The following EPB41L4B variants were observed in gnomAD, a reference collection of about 807,000 sequenced individuals.
The protein encoded by EPB41L4B is erythrocyte membrane protein band 4.1 like 4B.
Under a neutral mutation model 112.5 loss-of-function variants are expected in EPB41L4B, and 30 were observed. The observed-to-expected ratio is 0.27, with a 90% CI of 0.20 to 0.36. The LOEUF (loss-of-function observed/expected upper bound fraction) is 0.36. Among genes scored for constraint, EPB41L4B ranks in the 10% least tolerant of loss-of-function variants. The pLI is 1.00. For missense variants in EPB41L4B, 1,024 were observed against 1,133.3 expected (o/e 0.90, Z 1.38); for synonymous variants, 408 against 439.7 (o/e 0.93, Z 0.90).
chr9:109,227,583 T>TC (rs949506227), intron 15 of EPB41L4B, among the ~76,000 whole-genome samples: 12 of 151,692 alleles, frequency 7.9e-5, no homozygotes, highest in Admixed American at 3.3e-4. Context: ...TTATTACATA[T>TC]CCCCCCCTTT....
chr9:109,311,675 G>T (rs2119267802), intron 1 of EPB41L4B, among the ~76,000 whole-genome samples: 1 of 152,338 alleles, frequency 6.6e-6, no homozygotes, highest in South Asian at 2.1e-4. Flanking sequence ...GTTCAGAAAA[G>T]ACAGGGGATT....
intron 1 of EPB41L4B, among the ~76,000 whole-genome samples, chr9:109,303,355 G>A (rs1461333016): frequency 5.9e-5 from 9 of 151,926 alleles, no homozygotes; most frequent in Non-Finnish European, 1.2e-4. Flanking sequence ...CTTTTGGGGG[G>A]CGGGTTTTGA....
intron 15 of EPB41L4B, 46 bp downstream of exon 15, chr9:109,243,572 A>AT (rs1030348173): frequency 1.9e-6 from 3 of 1,589,064 alleles, no homozygotes; most frequent in Admixed American, 1.7e-5. Flanking sequence ...TTTTCTAGAG[A>AT]AAGGAAAGCT....
intron 1 of EPB41L4B, among the ~76,000 whole-genome samples, chr9:109,288,634 A>G (rs1836395669): frequency 6.9e-6 from 1 of 145,052 alleles, no homozygotes; most frequent in Non-Finnish European, 1.5e-5. Context: ...GAGGCAGGAG[A>G]ATGGAGTGAA....
chr9:109,297,960 T>C (rs1836801439), intron 1 of EPB41L4B, among the ~76,000 whole-genome samples: 1 of 152,198 alleles, frequency 6.6e-6, no homozygotes, highest in Middle Eastern at 3.2e-3. Context: ...AAACTATAAC[T>C]AAGGCATCAC....
At chr9:109,195,300 G>A (rs1832602630) in intron 20 of EPB41L4B, among the ~76,000 whole-genome samples, 1 of 152,172 alleles carries the variant, frequency 6.6e-6, no homozygotes, top group Admixed American at 6.5e-5. Context: ...GCAGATCACT[G>A]GTAAGGCCTC....
intron 11 of EPB41L4B, 70 bp downstream of exon 11, chr9:109,255,441 C>T: frequency 6.4e-7 from 1 of 1,571,176 alleles, no homozygotes; most frequent in Admixed American, 1.7e-5. Context: ...ACTCTATTCG[C>T]ATACAAGAAA....
rs756980865 is a variant in EPB41L4B, at chr9:109,182,765, C to T, written c.2451G>A (p.Pro817=). ...IKTFPVDTMN[P]FPDTFTTGPQ... ...GCCCTGTGGTGAAAGTATCAGGAAA[C>T]GGGTTCATTGTATCAACCGGGAATG... Residue 817 remains proline (P), a synonymous_variant, in exon 24 of 26, where the codon CCG becomes CCA. Transcript: ENST00000374566. The T allele has an allele frequency of 4.3e-6, 7 of 1,612,840 alleles. No individual in the cohort carries two copies. Among genetic ancestry groups the T allele is most frequent in the Middle Eastern group, 1.7e-4 (1 of 6,058 alleles).
At chr9:109,227,080 C>A (rs146502099) in intron 15 of EPB41L4B, among the ~76,000 whole-genome samples, 2 of 152,014 alleles carry the variant, frequency 1.3e-5, no homozygotes, top group East Asian at 3.9e-4. Flanking sequence ...CTTAAGCGGT[C>A]CTCCCACTTC....
Position 109,175,176 on chromosome 9 carries a change from C to CA in EPB41L4B, c.2634-554dup, listed in dbSNP as rs543498962. ...AGGCAATCCACTTGCCTCGACCTCC[C>CA]AAAGTGCTAGGATTACAGGCATGAG... On this transcript the variant is annotated intron_variant, in intron 25 of 25. Transcript: ENST00000374566. 5.4e-3 allele frequency among the ~76,000 whole-genome samples: 823 copies of CA among 152,090 alleles called. 4 individuals are homozygous for CA. Among genetic ancestry groups the CA allele is most frequent in the Non-Finnish European group, 8.7e-3 (595 of 68,008 alleles).
chr9:109,293,285 T>A (rs28701550), intron 1 of EPB41L4B, among the ~76,000 whole-genome samples: 12 of 152,230 alleles, frequency 7.9e-5, no homozygotes, highest in African/African-American at 2.9e-4. Context: ...TTTCATAATT[T>A]AAAAAATGTT....
intron 1 of EPB41L4B, among the ~76,000 whole-genome samples, chr9:109,318,503 G>A (rs1275085168): frequency 6.6e-6 from 1 of 152,140 alleles, no homozygotes; most frequent in African/African-American, 2.4e-5. Context: ...CCAGGGAACA[G>A]ATGAGAAAAC....
intron 24 of EPB41L4B, among the ~76,000 whole-genome samples, chr9:109,179,459 T>C (rs1831972609): frequency 6.6e-6 from 1 of 152,314 alleles, no homozygotes; most frequent in Non-Finnish European, 1.5e-5. Context: ...CTGAAGCCCA[T>C]GAGCTTGGCT....
rs190636972 is a variant in EPB41L4B at position 109,256,220 on chromosome 9, C to G, written c.845G>C (p.Arg282Thr). ...YGVDMHVVRG[R>T]DGCEYSLGLT... ...TCCAAGAGAATATTCACAGCCATCT[C>G]TTCCCTACAAACAAACGAAGTGACA... The change falls in exon 9 of 26, where the codon AGA becomes ACA. Residue 282 changes from arginine to threonine, a missense_variant. By Grantham distance (71) the Arg-to-Thr change is moderately conservative (BLOSUM62 -1). Transcript: ENST00000374566. 1 of 1,614,092 alleles carries G rather than the reference C, an allele frequency of 6.2e-7. No homozygotes were observed. Among genetic ancestry groups the G allele is most frequent in the East Asian group, 2.2e-5 (1 of 44,888 alleles).
At chr9:109,229,460 C>T (rs1440202701) in intron 15 of EPB41L4B, among the ~76,000 whole-genome samples, 5 of 152,202 alleles carry the variant, frequency 3.3e-5, no homozygotes, top group Admixed American at 3.3e-4. Flanking sequence ...TTGCTCAGTG[C>T]ACACGTATCA....
At chr9:109,194,709 G>T (rs910115194) in intron 20 of EPB41L4B, among the ~76,000 whole-genome samples, 1 of 152,066 alleles carries the variant, frequency 6.6e-6, no homozygotes, top group African/African-American at 2.4e-5. Context: ...TCACAATATT[G>T]TGCAACCATT....
At chr9:109,272,370 G>A (rs1835656598) in intron 2 of EPB41L4B, among the ~76,000 whole-genome samples, 1 of 152,142 alleles carries the variant, frequency 6.6e-6, no homozygotes, top group African/African-American at 2.4e-5. Flanking sequence ...GCTGAGGTGG[G>A]AGAATCACTT....
chr9:109,248,089 T>C (rs948778979), intron 13 of EPB41L4B, among the ~76,000 whole-genome samples: 11 of 152,236 alleles, frequency 7.2e-5, no homozygotes, highest in African/African-American at 2.2e-4. Flanking sequence ...CCTGTTTCAG[T>C]TGGGCAAACC....
rs553877769 is a variant in EPB41L4B at position 109,308,977 on chromosome 9, G to A, written c.306+11164C>T. On this transcript the variant is annotated intron_variant, in intron 1 of 25. Coordinates refer to ENST00000374566, the MANE Select transcript of EPB41L4B (RefSeq NM_019114.5). ...TGTAATCCCAGCTATTCAGGAAGCT[G>A]AGGCAGGAGAATCACTTGAATCCTG... 3.3e-5 allele frequency among the ~76,000 whole-genome samples: 5 copies of A among 152,316 alleles called. No homozygotes were observed. In the South Asian group the frequency reaches 1.0e-3, roughly 32 times the overall value.
Sources: allele counts gnomAD v4.1 joint callset (sites outside exome capture counted in the v4.1 genomes callset), GRCh38; gene constraint gnomAD v4.1.1; transcripts MANE v1.5; gene names NCBI Gene and HGNC (gene_info 2026-07-23, HGNC 2026-07-21).